CDH11: variants seen among roughly 807,000 people sequenced by gnomAD.
CDH11 encodes the protein cadherin-11.
Under a neutral mutation model 67.8 loss-of-function variants are expected in CDH11, and 11 were observed. The observed-to-expected ratio is 0.16, with a 90% CI of 0.10 to 0.27. CDH11 has a LOEUF of 0.27. CDH11 is among the 10% of genes least tolerant of loss of function. The probability of loss-of-function intolerance (pLI) is 1.00; values close to 1 mark genes in which losing one functional copy is unlikely to be tolerated. For synonymous variants in CDH11, 419 were observed against 400.0 expected (o/e 1.05, Z -0.57); for missense variants, 847 against 1,031.2 (o/e 0.82, Z 2.45).
chr16:65,092,729 T>A (rs1236299147), intron 1 of CDH11, among the ~76,000 whole-genome samples: 1 of 150,396 alleles, frequency 6.6e-6, no homozygotes, highest in African/African-American at 2.5e-5. Context: ...CATGAACAGA[T>A]CCATCATCTG....
chr16:65,053,216 G>A (rs187454038), intron 2 of CDH11, among the ~76,000 whole-genome samples: 2 of 152,160 alleles, frequency 1.3e-5, no homozygotes, highest in Non-Finnish European at 2.9e-5. Flanking sequence ...TGGATTCGTA[G>A]AATCCTAAAA....
At chr16:64,972,868 G>C (rs144057927) in intron 9 of CDH11, 36 bp downstream of exon 9, 584 of 1,607,476 alleles carry the variant, frequency 3.6e-4, no homozygotes, top group Non-Finnish European at 4.8e-4. Context: ...ATAATACTTG[G>C]TAAAGTAGAA....
At chr16:64,958,342 TTATA>T (rs1327935277) in intron 11 of CDH11, among the ~76,000 whole-genome samples, 1 of 152,230 alleles carries the variant, frequency 6.6e-6, no homozygotes, top group African/African-American at 2.4e-5. Flanking sequence ...CTAATGTTGC[TTATA>T]TTTATATTGC....
At chr16:64,985,545 A>G (rs983965246) in intron 7 of CDH11, 10 of 151,588 alleles carry the variant, frequency 6.6e-5, no homozygotes, top group African/African-American at 2.4e-4. Context: ...CTCCTCATCT[A>G]TCAAGACTCA....
chr16:65,024,064 A>G (rs1269266978), intron 2 of CDH11, among the ~76,000 whole-genome samples: 1 of 152,174 alleles, frequency 6.6e-6, no homozygotes, highest in Non-Finnish European at 1.5e-5. Flanking sequence ...TCATTACAGC[A>G]AGAAGACCAC....
intron 2 of CDH11, among the ~76,000 whole-genome samples, chr16:65,042,489 G>A (rs1385622388): frequency 6.6e-6 from 1 of 152,092 alleles, no homozygotes; most frequent in Non-Finnish European, 1.5e-5. Context: ...GGTTAGAAAG[G>A]GCTGGGTCTG....
intron 2 of CDH11, among the ~76,000 whole-genome samples, chr16:65,019,904 A>T (rs2142573771): frequency 6.6e-6 from 1 of 152,264 alleles, no homozygotes; most frequent in Admixed American, 6.5e-5. Context: ...GCCAAAAAAA[A>T]AAAAGTTTCC....
At chr16:64,949,366 A>G (rs1024879603) in intron 12 of CDH11, among the ~76,000 whole-genome samples, 1 of 151,084 alleles carries the variant, frequency 6.6e-6, no homozygotes, top group African/African-American at 2.4e-5. Context: ...CCTGTATGTC[A>G]CATCCTCCAG....
chr16:65,059,491 T>C (rs1018468554), intron 1 of CDH11: 2 of 151,802 alleles, frequency 1.3e-5, no homozygotes, highest in South Asian at 4.2e-4. Flanking sequence ...GTAGAGAGAG[T>C]CCATTGTCAC....
chr16:65,088,656 GT>G (rs1386793160), intron 1 of CDH11, among the ~76,000 whole-genome samples: 3 of 152,096 alleles, frequency 2.0e-5, no homozygotes, highest in Non-Finnish European at 4.4e-5. Flanking sequence ...ATAAAAATTT[GT>G]TGAGCATTTT....
At chr16:65,030,101 G>T (rs943599754) in intron 2 of CDH11, among the ~76,000 whole-genome samples, 1 of 152,122 alleles carries the variant, frequency 6.6e-6, no homozygotes, top group African/African-American at 2.4e-5. Flanking sequence ...TTGGGACTCA[G>T]GCAGCCTGGA....
At chr16:65,114,692 C>T (rs1055891757) in intron 1 of CDH11, among the ~76,000 whole-genome samples, 29 of 152,266 alleles carry the variant, frequency 1.9e-4, no homozygotes, top group African/African-American at 6.5e-4. Flanking sequence ...ACAGATGACA[C>T]CGGCGAGCCG....
intron 2 of CDH11, among the ~76,000 whole-genome samples, chr16:65,041,901 C>A (rs1162680296): frequency 6.6e-6 from 1 of 152,144 alleles, no homozygotes; most frequent in Non-Finnish European, 1.5e-5. Context: ...GTGGAGTGCT[C>A]CAGGCAATGA....
In CDH11 at chr16:65,122,050, G is replaced by C; in HGVS notation, c.-468C>G. The stretch of plus-strand genomic sequence containing the variant: ...GCCCGCGACGCTCCCCTCAGCTGGC[G>C]GCGGCCGCGGAATGAGCCGCCGAGC... On this transcript the variant is annotated 5_prime_UTR_variant, in exon 1 of 13. Coordinates refer to ENST00000268603, the MANE Select transcript of CDH11 (RefSeq NM_001797.4). The C allele has an allele frequency of 1.5e-6, 1 of 666,094 alleles. No individual in the cohort carries two copies. Among genetic ancestry groups the C allele is most frequent in the Non-Finnish European group, 2.7e-6 (1 of 372,204 alleles). The allele number at this position is 666,094 out of a possible 1,614,324, so 41.3% of individuals were successfully genotyped here. A position where few individuals can be genotyped will look rare whatever the true frequency, so the allele number is the denominator to read the frequency against.
At chr16:65,000,353 C>T (rs991749829) in intron 3 of CDH11, among the ~76,000 whole-genome samples, 1 of 151,488 alleles carries the variant, frequency 6.6e-6, no homozygotes, top group African/African-American at 2.5e-5. Context: ...CCTTGGTCCT[C>T]ATTCTGCCCT....
At chr16:65,056,061 TA>T (rs2074136710) in intron 1 of CDH11, among the ~76,000 whole-genome samples, 2 of 152,296 alleles carry the variant, frequency 1.3e-5, no homozygotes, top group South Asian at 4.1e-4. Flanking sequence ...TTTGAGAAAT[TA>T]AGATCTGTGG....
At chr16:64,983,402 T>C (rs1474872213) in intron 7 of CDH11, among the ~76,000 whole-genome samples, 2 of 152,200 alleles carry the variant, frequency 1.3e-5, no homozygotes, top group Non-Finnish European at 2.9e-5. Context: ...TTCTAATTAG[T>C]GCTCTGGATG....
chr16:65,085,651 C>A (rs906326981), intron 1 of CDH11, among the ~76,000 whole-genome samples: 1 of 152,176 alleles, frequency 6.6e-6, no homozygotes, highest in East Asian at 1.9e-4. Flanking sequence ...GAGATCCACT[C>A]GGTTCTGCTT....
chr16:65,022,449 T>C (rs751385287), intron 2 of CDH11, among the ~76,000 whole-genome samples: 15 of 152,284 alleles, frequency 9.9e-5, no homozygotes, highest in Non-Finnish European at 1.6e-4. Flanking sequence ...AAATACACCA[T>C]AGCAGTGAGT....
Sources: allele counts gnomAD v4.1 joint callset (sites outside exome capture counted in the v4.1 genomes callset), GRCh38; gene constraint gnomAD v4.1.1; transcripts MANE v1.5; gene names NCBI Gene and HGNC (gene_info 2026-07-23, HGNC 2026-07-21).